Variants in DOCK8 observed in about 807,000 individuals in gnomAD.
The protein encoded by DOCK8 is dedicator of cytokinesis protein 8.
DOCK8 carries 141 observed loss-of-function variants against 245.6 expected under a neutral mutation model. That is an observed-to-expected ratio of 0.57 (90% CI 0.50 to 0.66). The LOEUF is 0.66. DOCK8 is among the 30% of genes least tolerant of loss of function. The pLI is 0.00. For missense variants in DOCK8, 2,965 were observed against 2,603.4 expected, an observed-to-expected ratio of 1.14 and a Z score of -3.02; for synonymous variants, 1,168 against 970.2, an observed-to-expected ratio of 1.20 and a Z score of -3.79.
chr9:455,319 C>A (rs1166830159), intron 46 of DOCK8, among the ~76,000 whole-genome samples: 1 of 149,626 alleles, frequency 6.7e-6, no homozygotes, highest in Non-Finnish European at 1.5e-5. Flanking sequence ...CATGGCGAAA[C>A]TCTGTCTCTT....
Position 439,350 on chromosome 9 carries a change from G to A in DOCK8, c.5185G>A (p.Val1729Ile), listed in dbSNP as rs775028020. 8 of 1,614,090 alleles carry A rather than the reference G, an allele frequency of 5.0e-6. No individual in the cohort carries two copies. Among genetic ancestry groups the A allele is most frequent in the Non-Finnish European group, 6.8e-6 (8 of 1,180,038 alleles). ...AGQYFTESGL[V>I]GLLEQAAELF... ...CCAGTACTTCACCGAGAGTGGCCTG[G>A]TAGGCCTCCTGGAGCAGGCCGCGGA... Residue 1729 changes from valine (V) to isoleucine (I), a missense_variant, in exon 40 of 48, where the codon GTA becomes ATA. This residue lies in a region of DOCK8 where 2,825 missense variants were observed against 2,453.5 expected (regional missense o/e 1.15). Transcript: ENST00000432829.
intron 40 of DOCK8, among the ~76,000 whole-genome samples, chr9:440,633 G>T (rs1169016376): frequency 6.6e-6 from 1 of 152,212 alleles, no homozygotes; most frequent in African/African-American, 2.4e-5. Flanking sequence ...CATCTGGCTA[G>T]AGGAGGACCT....
At chr9:255,668 C>CGAAAAAAA (rs1563844740) in intron 1 of DOCK8, among the ~76,000 whole-genome samples, 1 of 23,504 alleles carries the variant, frequency 4.3e-5, no homozygotes, top group Non-Finnish European at 7.6e-5. Flanking sequence ...ACTCCATCTC[C>CGAAAAAAA]AAAAAAAAAA....
chr9:280,867 GC>G (rs1318576426), intron 2 of DOCK8: 3 of 152,262 alleles, frequency 2.0e-5, no homozygotes, highest in Non-Finnish European at 4.4e-5. Context: ...ATGTAGTTCA[GC>G]CTAGCCACGT....
intron 33 of DOCK8, among the ~76,000 whole-genome samples, chr9:424,631 A>C (rs1423927618): frequency 6.6e-6 from 1 of 152,108 alleles, no homozygotes; most frequent in Non-Finnish European, 1.5e-5. Context: ...GCTGGTCTAA[A>C]ACTCCTGGGC....
chr9:339,108 G>A lies in DOCK8; in HGVS notation c.1516+9G>A. The A allele has an allele frequency of 2.5e-6, 4 of 1,612,492 alleles. No individual in the cohort carries two copies. The highest frequency in any genetic ancestry group is 3.4e-6 in the Non-Finnish European group (4 of 1,178,710). On this transcript the variant is annotated intron_variant, in intron 13 of 47. Coordinates refer to ENST00000432829, the MANE Select transcript of DOCK8 (RefSeq NM_203447.4). The stretch of plus-strand genomic sequence containing the variant: ...AGTCAAGTCAATTCCAGGTGTGAAT[G>A]ACTTATCTTTATCCTCTTTAGCTGT...
At chr9:316,005 A>G (rs773128190) in intron 6 of DOCK8, among the ~76,000 whole-genome samples, 35 of 151,342 alleles carry the variant, frequency 2.3e-4, no homozygotes, top group Non-Finnish European at 4.7e-4. Flanking sequence ...CATTCCACCC[A>G]GCAACATGGC....
At chr9:272,259 G>A (rs923196236) in intron 2 of DOCK8, among the ~76,000 whole-genome samples, 41 of 151,980 alleles carry the variant, frequency 2.7e-4, no homozygotes, top group Admixed American at 2.3e-3. Flanking sequence ...ATCCTAAAGC[G>A]TTCCCCAGCG....
At chr9:301,933 T>C (rs1384333356) in intron 4 of DOCK8, among the ~76,000 whole-genome samples, 1 of 152,094 alleles carries the variant, frequency 6.6e-6, no homozygotes, top group Non-Finnish European at 1.5e-5. Context: ...AAGAGATTTT[T>C]AGATTCACTG....
intron 5 of DOCK8, 114 bp from the exon 6 acceptor site, chr9:311,840 C>T: frequency 7.6e-7 from 1 of 1,313,532 alleles, no homozygotes; most frequent in Non-Finnish European, 1.1e-6. Flanking sequence ...GACTTGAGGC[C>T]TGGCTGAGAT....
chr9:439,462 G>A (rs2057016916), intron 40 of DOCK8, 74 bp downstream of exon 40: 1 of 1,589,578 alleles, frequency 6.3e-7, no homozygotes, highest in Admixed American at 1.7e-5. Context: ...GGAACACCTG[G>A]TCTTAATGGC....
intron 2 of DOCK8, chr9:273,002 C>T (rs1205704431): frequency 5.1e-6 from 5 of 983,586 alleles, no homozygotes; most frequent in Admixed American, 6.1e-5. Context: ...GAAACCACTT[C>T]TGCCTTAGAA....
intron 5 of DOCK8, among the ~76,000 whole-genome samples, chr9:307,329 GTTTTTTTTGTTTT>G: frequency 1.3e-5 from 1 of 75,140 alleles, no homozygotes; most frequent in Non-Finnish European, 2.5e-5. Flanking sequence ...GTTGTGTGTG[GTTTTTTTTGTTTT>G]TTTTTTTTTT....
chr9:217,233 A>G (rs1242490604), intron 1 of DOCK8, among the ~76,000 whole-genome samples: 1 of 152,330 alleles, frequency 6.6e-6, no homozygotes, highest in African/African-American at 2.4e-5. Context: ...CATCATTAAC[A>G]TTACAATCAG....
At chr9:358,213 T>C (rs190174757) in intron 14 of DOCK8, among the ~76,000 whole-genome samples, 241 of 152,190 alleles carry the variant, frequency 1.6e-3, no homozygotes, top group African/African-American at 5.7e-3. Context: ...GCCTTCTGAG[T>C]AGCTGGGATT....
chr9:294,822 A>G (rs2049186434), intron 4 of DOCK8, among the ~76,000 whole-genome samples: 1 of 152,244 alleles, frequency 6.6e-6, no homozygotes, highest in Non-Finnish European at 1.5e-5. Flanking sequence ...ATTGATATAT[A>G]CAACAACATG....
intron 8 of DOCK8, among the ~76,000 whole-genome samples, chr9:327,695 T>A (rs2050826147): frequency 6.6e-6 from 1 of 152,142 alleles, no homozygotes; most frequent in Non-Finnish European, 1.5e-5. Context: ...CCACACCCAG[T>A]CCTTCCCTCA....
At chr9:451,727 G>A (rs1175958153) in intron 45 of DOCK8, among the ~76,000 whole-genome samples, 1 of 151,876 alleles carries the variant, frequency 6.6e-6, no homozygotes, top group African/African-American at 2.4e-5. Flanking sequence ...TTCCTGAGAT[G>A]TCCAAGACCT....
chr9:298,167 G>A (rs1283773554), intron 4 of DOCK8, among the ~76,000 whole-genome samples: 2 of 152,228 alleles, frequency 1.3e-5, no homozygotes, highest in African/African-American at 4.8e-5. Flanking sequence ...GCTCATGCCT[G>A]TAATCGCAGC....
Sources: gnomAD v4.1 joint callset for allele counts (sites outside exome capture counted in the v4.1 genomes callset) on GRCh38, gnomAD v4.1.1 for gene constraint, gnomAD v4.1.1 regional missense constraint, MANE v1.5 for transcripts, NCBI Gene and HGNC (gene_info 2026-07-23, HGNC 2026-07-21) for gene names.